Variants in MYPN observed in about 807,000 individuals in gnomAD.
The protein encoded by MYPN is myopalladin, also known as sarcomeric protein myopalladin, 145 kDa (MYOP).
MYPN carries 63 observed loss-of-function variants against 129.4 expected under a neutral mutation model. The observed-to-expected ratio is 0.49, with a 90% CI of 0.40 to 0.60. MYPN has a LOEUF of 0.60. MYPN is among the 20% of genes least tolerant of loss of function. The pLI is 0.00. For synonymous variants in MYPN, 629 were observed against 600.9 expected (o/e 1.05, Z -0.68); for missense variants, 1,596 against 1,635.4 (o/e 0.98, Z 0.42).
intron 12 of MYPN, among the ~76,000 whole-genome samples, chr10:68,186,568 A>C (rs2043424806): frequency 6.6e-6 from 1 of 152,152 alleles, no homozygotes; most frequent in South Asian, 2.1e-4. Flanking sequence ...ATTTAACCAA[A>C]GGTCTCACTC....
intron 6 of MYPN, chr10:68,158,163 G>A: frequency 3.6e-6 from 1 of 279,302 alleles, no homozygotes; most frequent in Admixed American, 4.7e-5. Flanking sequence ...CTATGCGGGT[G>A]CCCTTTTTCT....
intron 12 of MYPN, among the ~76,000 whole-genome samples, chr10:68,179,043 GA>G (rs1023254703): frequency 6.0e-5 from 9 of 150,212 alleles, no homozygotes; most frequent in South Asian, 2.1e-4. Context: ...CGTGACAGAG[GA>G]AAAAAAAATA....
At chr10:68,179,492 A>T (rs73267152) in intron 12 of MYPN, among the ~76,000 whole-genome samples, 2,488 of 152,274 alleles carry the variant, frequency 0.016, 74 homozygotes, top group African/African-American at 0.057. Flanking sequence ...TGGGATTTAC[A>T]TTAGTTTCAG....
In MYPN at chr10:68,122,309, A is replaced by G. The variant is rs367982390; in HGVS notation, c.871A>G (p.Ile291Val). The G allele has an allele frequency of 2.5e-6, 4 of 1,613,832 alleles. No homozygotes were observed. In the African/African-American group the frequency reaches 5.3e-5, roughly 22 times the overall value. The part of the protein sequence containing the change: ...PEGTRVQLDC[I>V]VVGIPPPQVR... ...AGGAACTCGAGTACAGTTGGATTGCATAGTGGTAGGAATTCCACCACCTCA... is the reference window on the plus strand; with the variant it reads ...AGGAACTCGAGTACAGTTGGATTGCGTAGTGGTAGGAATTCCACCACCTCA... Residue 291 changes from isoleucine (I) to valine (V), a missense_variant, in exon 2 of 20, where the codon ATA becomes GTA. Coordinates refer to ENST00000358913, the MANE Select transcript of MYPN (RefSeq NM_032578.4).
intron 2 of MYPN, among the ~76,000 whole-genome samples, chr10:68,127,305 T>G (rs939299218): frequency 6.9e-6 from 1 of 144,030 alleles, no homozygotes; most frequent in Non-Finnish European, 1.5e-5. Context: ...ATGCCCAGCC[T>G]GGGACACATA....
At position 68,122,160 on chromosome 10, in the gene MYPN, CT is replaced by C; in HGVS notation, c.723del (p.Ala242ProfsTer50). On this transcript the variant is annotated frameshift_variant, in exon 2 of 20. Coordinates refer to ENST00000358913, the MANE Select transcript of MYPN (RefSeq NM_032578.4). LOFTEE classifies it high-confidence loss of function. ...QEAKRREAEQ[A>X]ASEAAGGDTT... The stretch of plus-strand genomic sequence containing the variant: ...GCCAAGAGGCGTGAAGCGGAGCAGG[CT>C]GCCAGTGAGGCGGCTGGTGGAGACA... 1 of 1,611,836 alleles carries C rather than the reference CT, an allele frequency of 6.2e-7. No homozygotes were observed. Among genetic ancestry groups the C allele is most frequent in the Non-Finnish European group, 8.5e-7 (1 of 1,178,636 alleles).
chr10:68,124,097 G>A (rs1247911499), intron 2 of MYPN, among the ~76,000 whole-genome samples: 1 of 152,130 alleles, frequency 6.6e-6, no homozygotes, highest in Non-Finnish European at 1.5e-5. Context: ...GTTTCAGGAC[G>A]CCTCACTTGA....
intron 5 of MYPN, among the ~76,000 whole-genome samples, chr10:68,149,377 A>G (rs1266815896): frequency 6.6e-6 from 1 of 152,250 alleles, no homozygotes; most frequent in African/African-American, 2.4e-5. Flanking sequence ...GTATGCATAG[A>G]CTTTAAAACA....
rs142448074 is a variant in MYPN, at chr10:68,099,956, T to C, written c.-2+11964T>C. Among the ~76,000 whole-genome samples the C allele has an allele frequency of 1.4e-3, 220 of 152,284 alleles. 1 individual carries two copies. The highest frequency in any genetic ancestry group is 5.1e-3 in the African/African-American group (212 of 41,554). The stretch of plus-strand genomic sequence containing the variant: ...AGCAGACAAGAGCTGGGCTTCGGCG[T>C]TGTATGGACCTTAGATGTGAATCAC... On this transcript the variant is annotated intron_variant, in intron 1 of 6. Transcript: ENST00000685154.
At chr10:68,182,373 CATATATA>C (rs2043338391) in intron 12 of MYPN, among the ~76,000 whole-genome samples, 1 of 95,822 alleles carries the variant, frequency 1.0e-5, no homozygotes, top group African/African-American at 3.6e-5. Flanking sequence ...ATATATATAA[CATATATA>C]ACACATATAT....
At chr10:68,175,295 G>A in intron 11 of MYPN, 28 bp from the exon 12 acceptor site, 9 of 1,613,560 alleles carry the variant, frequency 5.6e-6, no homozygotes, top group South Asian at 1.1e-5. Context: ...CTTTTCATGG[G>A]TGTGTCAGGT....
Position 68,201,929 on chromosome 10 carries a change from G to GC in MYPN, c.3599dup (p.Pro1201ThrfsTer10). On this transcript the variant is annotated frameshift_variant, in exon 18 of 20. Transcript: ENST00000358913. LOFTEE classifies it high-confidence loss of function. ...GACTGGAGTGCCGCGTGATAGGCAT[G>GC]CCCCCACCTGTGTTCTACTGGAAGA... The GC allele has an allele frequency of 1.2e-6, 2 of 1,614,152 alleles. No homozygotes were observed. Among genetic ancestry groups the GC allele is most frequent in the Non-Finnish European group, 1.7e-6 (2 of 1,180,032 alleles).
At chr10:68,128,581 C>A (rs1426042074) in intron 2 of MYPN, among the ~76,000 whole-genome samples, 2 of 152,122 alleles carry the variant, frequency 1.3e-5, no homozygotes, top group Non-Finnish European at 2.9e-5. Flanking sequence ...AAGCAGCAAA[C>A]AAGACAGCCA....
intron 11 of MYPN, among the ~76,000 whole-genome samples, chr10:68,175,071 G>A (rs1248890875): frequency 6.6e-6 from 1 of 151,304 alleles, no homozygotes; most frequent in Non-Finnish European, 1.5e-5. Context: ...AAGAGGCGGA[G>A]GTTGCAGTGA....
chr10:68,120,485 C>G (rs903863020), intron 1 of MYPN, among the ~76,000 whole-genome samples: 4 of 152,086 alleles, frequency 2.6e-5, no homozygotes, highest in Non-Finnish European at 4.4e-5. Context: ...TTTTAAAAAC[C>G]TAGGCTCTAA....
chr10:68,131,381 T>C (rs1278630015), intron 2 of MYPN, among the ~76,000 whole-genome samples: 1 of 150,318 alleles, frequency 6.7e-6, no homozygotes, highest in Non-Finnish European at 1.5e-5. Flanking sequence ...AGATCGAGAC[T>C]GTGTCTCAAA....
chr10:68,111,476 G>A (rs1589519349), intron 1 of MYPN, among the ~76,000 whole-genome samples: 3 of 151,928 alleles, frequency 2.0e-5, no homozygotes, highest in South Asian at 2.1e-4. Context: ...AAATGAAAGG[G>A]TTTTCTTAAC....
At position 68,194,500 on chromosome 10, in the gene MYPN, A is replaced by G. The variant is rs1406789840; in HGVS notation, c.3063A>G (p.Ala1021=). 6.2e-7 allele frequency: 1 copy of G among 1,613,622 alleles called. No homozygotes were observed. Among genetic ancestry groups the G allele is most frequent in the African/African-American group, 1.3e-5 (1 of 74,926 alleles). ...ACGATGGCAACTACACCATCATGGC[A>G]GCCAACCCCCAGGTGGAGACGCAGG... ...SDDDGNYTIM[A]ANPQGRISCS... Residue 1021 remains alanine (A), a synonymous_variant, in exon 14 of 20, where the codon GCA becomes GCG. Coordinates refer to ENST00000358913, the MANE Select transcript of MYPN (RefSeq NM_032578.4).
chr10:68,113,958 A>G (rs1249411337), intron 1 of MYPN, among the ~76,000 whole-genome samples: 1 of 152,186 alleles, frequency 6.6e-6, no homozygotes, highest in Non-Finnish European at 1.5e-5. Context: ...ATTACTAACT[A>G]TAGTCCCCAT....
Sources: allele counts gnomAD v4.1 joint callset (sites outside exome capture counted in the v4.1 genomes callset), GRCh38; gene constraint gnomAD v4.1.1; transcripts MANE v1.5; gene names NCBI Gene and HGNC (gene_info 2026-07-23, HGNC 2026-07-21).